TMEM266: variants seen among roughly 807,000 people sequenced by gnomAD.
TMEM266 encodes Hv1 related protein 1.
TMEM266 carries 33 observed loss-of-function variants against 50.5 expected under a neutral mutation model. The ratio of observed to expected loss-of-function variants is 0.65; its 90% CI spans 0.50 to 0.87. The LOEUF (loss-of-function observed/expected upper bound fraction) is 0.87, where lower values mean the gene tolerates loss of function less well. Among genes scored for constraint, TMEM266 ranks in the 40% least tolerant of loss-of-function variants. The probability of loss-of-function intolerance (pLI) is 0.00; values close to 1 mark genes in which losing one functional copy is unlikely to be tolerated. For synonymous variants in TMEM266, 310 were observed against 292.3 expected (o/e 1.06, Z -0.62); for missense variants, 655 against 695.1 (o/e 0.94, Z 0.65).
chr15:76,181,782 C>T (rs970610643), intron 8 of TMEM266, among the ~76,000 whole-genome samples: 1 of 152,202 alleles, frequency 6.6e-6, no homozygotes, highest in African/African-American at 2.4e-5. Flanking sequence ...ACTCTTCTGA[C>T]TCATCTCACG....
Position 76,153,383 on chromosome 15 carries a change from C to T in TMEM266, c.228-3221C>T, listed in dbSNP as rs924806654. 2.6e-5 allele frequency among the ~76,000 whole-genome samples: 4 copies of T among 152,216 alleles called. No homozygotes were observed. The highest frequency in any genetic ancestry group is 6.5e-5 in the Admixed American group (1 of 15,288). ...CAAATGCCCGGCACCTTCCGTGGAACGTGAAGACGAGGCTTCCTGCTGGCC... is the reference window on the plus strand; with the variant it reads ...CAAATGCCCGGCACCTTCCGTGGAATGTGAAGACGAGGCTTCCTGCTGGCC... On this transcript the variant is annotated intron_variant, in intron 3 of 10. Coordinates refer to ENST00000388942, the MANE Select transcript of TMEM266 (RefSeq NM_152335.3). The surrounding 1 kb of genome is among the most constrained non-coding windows in gnomAD (Gnocchi z 4.2).
chr15:76,202,054 G>GGGGCAGGT (rs1316015899), intron 9 of TMEM266, 148 bp from the exon 10 acceptor site: 2 of 634,998 alleles, frequency 3.1e-6, no homozygotes, highest in East Asian at 5.7e-5. Flanking sequence ...TGGTCCCCAT[G>GGGGCAGGT]GAGAACTAAG....
chr15:76,181,805 A>G (rs1489176299), intron 8 of TMEM266, among the ~76,000 whole-genome samples: 1 of 152,156 alleles, frequency 6.6e-6, no homozygotes, highest in East Asian at 1.9e-4. Flanking sequence ...ACCACCTCTG[A>G]GGTTTTATGT....
intron 1 of TMEM266, among the ~76,000 whole-genome samples, chr15:76,122,432 AGTATT>A (rs1413585921): frequency 6.6e-6 from 1 of 152,242 alleles, no homozygotes; most frequent in South Asian, 2.1e-4. Context: ...TAGTATGAAA[AGTATT>A]GAAGAAAGAG....
At chr15:76,142,841 G>A (rs972563271) in intron 3 of TMEM266, among the ~76,000 whole-genome samples, 27 of 152,280 alleles carry the variant, frequency 1.8e-4, no homozygotes, top group African/African-American at 6.3e-4. Flanking sequence ...TCAGGCTGCC[G>A]ATGGCTCAGG....
chr15:76,151,474 T>G, intron 3 of TMEM266, among the ~76,000 whole-genome samples: 1 of 150,764 alleles, frequency 6.6e-6, no homozygotes, highest in Non-Finnish European at 1.5e-5. Context: ...CAGGGCCCTG[T>G]TCTGGAGCCC....
At chr15:76,203,080 C>T (rs755369459) in intron 10 of TMEM266, among the ~76,000 whole-genome samples, 8 of 152,116 alleles carry the variant, frequency 5.3e-5, no homozygotes, top group East Asian at 1.9e-4. Context: ...AGGTCAGCCC[C>T]GTGGTACATC....
rs2038004598 is a variant in TMEM266 at position 76,160,663 on chromosome 15, G to C, written c.456+495G>C. Among the ~76,000 whole-genome samples, 1 of 152,190 alleles carries C rather than the reference G, an allele frequency of 6.6e-6. No individual in the cohort carries two copies. Among genetic ancestry groups the C allele is most frequent in the Non-Finnish European group, 1.5e-5 (1 of 68,036 alleles). On this transcript the variant is annotated intron_variant, in intron 5 of 10. Transcript: ENST00000388942. The surrounding 1 kb of genome is among the most constrained non-coding windows in gnomAD (Gnocchi z 5.7). ...CAGGGCCAGGCAGTGGACCTGACCT[G>C]GTCCTGCAGGGGCCCTGGGTCTGAC...
rs746167013 is a variant in TMEM266, at chr15:76,182,481, AT to A, written c.768+6808del. Among the ~76,000 whole-genome samples, 1,479 of 149,484 alleles carry A rather than the reference AT, an allele frequency of 9.9e-3. 29 individuals are homozygous for A. The highest frequency in any genetic ancestry group is 0.034 in the African/African-American group (1,383 of 40,756). ...GAAACCCCGTCTCTACTAAAAAAAAATATATATAAAAAATTAGCCCGGTGTG... is the reference window on the plus strand; with the variant it reads ...GAAACCCCGTCTCTACTAAAAAAAAAATATATAAAAAATTAGCCCGGTGTG... On this transcript the variant is annotated intron_variant, in intron 8 of 10. Transcript: ENST00000388942.
intron 1 of TMEM266, among the ~76,000 whole-genome samples, chr15:76,129,750 C>T (rs890648026): frequency 1.3e-5 from 2 of 152,006 alleles, no homozygotes; most frequent in South Asian, 4.1e-4. Context: ...TCAGTTTTTC[C>T]AATTAATTGC....
rs765824878 is a variant in TMEM266 at position 76,175,608 on chromosome 15, C to G, written c.702C>G (p.Tyr234Ter). 1.2e-6 allele frequency: 2 copies of G among 1,614,050 alleles called. No individual in the cohort carries two copies. Among genetic ancestry groups the G allele is most frequent in the Non-Finnish European group, 1.7e-6 (2 of 1,180,020 alleles). The change falls in exon 8 of 11, where the codon TAC becomes TAG. Residue 234 changes from tyrosine (Y) to a stop codon, truncating the protein, a stop_gained. Transcript: ENST00000388942. LOFTEE classifies it high-confidence loss of function. ...AGATGGAGATGGTTATCCAGCAGTA[C>G]GAGAAGGCCAAGGTCATCCAAGACG...
intron 9 of TMEM266, 77 bp from the exon 10 acceptor site, chr15:76,202,125 G>C: frequency 7.9e-7 from 1 of 1,259,766 alleles, no homozygotes; most frequent in Admixed American, 2.1e-5. Context: ...TCTTGTGACC[G>C]TGGGGGTGGG....
intron 1 of TMEM266, among the ~76,000 whole-genome samples, chr15:76,094,351 AAC>A (rs1444676667): frequency 6.6e-6 from 1 of 152,048 alleles, no homozygotes; most frequent in Non-Finnish European, 1.5e-5. Context: ...CAGTTTTCCC[AAC>A]ACCATTGATT....
intron 5 of TMEM266, among the ~76,000 whole-genome samples, chr15:76,164,929 C>T (rs1480887605): frequency 6.6e-6 from 1 of 152,236 alleles, no homozygotes; most frequent in Non-Finnish European, 1.5e-5. Context: ...CTGGGGATCT[C>T]CCTCTGCCTT....
chr15:76,155,433 A>G (rs2037910482), intron 3 of TMEM266, among the ~76,000 whole-genome samples: 1 of 152,078 alleles, frequency 6.6e-6, no homozygotes, highest in Non-Finnish European at 1.5e-5. Context: ...CCACCTCCAG[A>G]CCTGCTCAGG....
intron 1 of TMEM266, among the ~76,000 whole-genome samples, chr15:76,106,956 C>T (rs989366454): frequency 1.3e-5 from 2 of 152,130 alleles, no homozygotes; most frequent in African/African-American, 4.8e-5. Context: ...CTGGTGGGCT[C>T]TCTTGGGTAT....
chr15:76,167,467 CAAAAAA>C lies in TMEM266; in HGVS notation c.457-2337_457-2332del, dbSNP rs552656577. Among the ~76,000 whole-genome samples, 233 of 101,248 alleles carry C rather than the reference CAAAAAA, an allele frequency of 2.3e-3. 2 individuals carry two copies. The highest frequency in any genetic ancestry group is 2.4e-3 in the Non-Finnish European group (119 of 49,734). 66.4% of individuals were successfully genotyped at this position (101,248 alleles called of 152,430 possible). ...CCTGGGCGACAGAGTGAGACTGTTT[CAAAAAA>C]AAAAAAAAAAAGAAACCATATTATT... On this transcript the variant is annotated intron_variant, in intron 5 of 10. Transcript: ENST00000388942.
At chr15:76,085,822 G>A (rs549826695) in intron 1 of TMEM266, among the ~76,000 whole-genome samples, 28 of 152,206 alleles carry the variant, frequency 1.8e-4, no homozygotes, top group Middle Eastern at 3.4e-3. Flanking sequence ...CGAGGTGGGC[G>A]GATCACCTGA....
At chr15:76,194,124 C>G (rs900452644) in intron 9 of TMEM266, among the ~76,000 whole-genome samples, 3 of 152,194 alleles carry the variant, frequency 2.0e-5, no homozygotes, top group Non-Finnish European at 4.4e-5. Context: ...CTCACGTGCT[C>G]CCCACACAGC....
Sources: gnomAD v4.1 joint callset for allele counts (sites outside exome capture counted in the v4.1 genomes callset) on GRCh38, gnomAD v4.1.1 for gene constraint, Gnocchi (gnomAD v3.1) non-coding constraint, MANE v1.5 for transcripts, NCBI Gene and HGNC (gene_info 2026-07-23, HGNC 2026-07-21) for gene names.